The following TRMT11 variants were observed in gnomAD, a reference collection of about 807,000 sequenced individuals.
TRMT11 encodes the protein tRNA methyltransferase 11.
A neutral mutation model predicts 62.8 loss-of-function variants in TRMT11; 53 were observed. The observed-to-expected ratio is 0.84, with a 90% CI of 0.68 to 1.06. The LOEUF is 1.06. Among genes scored for constraint, TRMT11 ranks in the 50% least tolerant of loss-of-function variants. The pLI is 0.00. For synonymous variants in TRMT11, 188 were observed against 190.3 expected, an observed-to-expected ratio of 0.99 and a Z score of 0.10; for missense variants, 556 against 553.4, an observed-to-expected ratio of 1.00 and a Z score of -0.05.
At chr6:126,250,126 T>C in the TRMT11 span, among the ~76,000 whole-genome samples, 1 of 152,210 alleles carries the variant, frequency 6.6e-6, no homozygotes, top group African/African-American at 2.4e-5. Flanking sequence ...CAATGATATG[T>C]ATATGCTATT....
intron 21 of TRMT11, among the ~76,000 whole-genome samples, chr6:126,150,476 G>A (rs193121121): frequency 7.0e-4 from 106 of 152,078 alleles, no homozygotes; most frequent in African/African-American, 2.5e-3. Flanking sequence ...TACCTCAATC[G>A]CTGTATCCAT....
chr6:126,187,714 A>G (rs1200230907), intron 1 of TRMT11, among the ~76,000 whole-genome samples: 1 of 152,004 alleles, frequency 6.6e-6, no homozygotes, highest in Non-Finnish European at 1.5e-5. Context: ...ACCTTATTTT[A>G]GGATTTATTT....
At chr6:126,211,905 C>T in the TRMT11 span, among the ~76,000 whole-genome samples, 3 of 151,894 alleles carry the variant, frequency 2.0e-5, no homozygotes, top group African/African-American at 7.3e-5. Context: ...GTATTAGTAA[C>T]CATCCTCTCT....
chr6:126,105,057 AT>A (rs1244887526), intron 17 of TRMT11, among the ~76,000 whole-genome samples: 4 of 152,200 alleles, frequency 2.6e-5, no homozygotes. Flanking sequence ...TTCAAACTAC[AT>A]TTTTAATTTA....
chr6:126,193,490 A>ATTTTTTTTTT (rs60064329), intron 1 of TRMT11, among the ~76,000 whole-genome samples: 2 of 73,284 alleles, frequency 2.7e-5, no homozygotes, highest in Admixed American at 1.8e-4. Context: ...GCGTTTCTGT[A>ATTTTTTTTTT]TTTTTTTTTT....
chr6:126,135,737 CA>C (rs1291338492), intron 21 of TRMT11, among the ~76,000 whole-genome samples: 4 of 151,492 alleles, frequency 2.6e-5, no homozygotes, highest in African/African-American at 4.8e-5. Context: ...AAAATGCCCC[CA>C]AAAATACTAG....
At chr6:126,168,034 A>G (rs1469741693) in intron 21 of TRMT11, among the ~76,000 whole-genome samples, 2 of 152,218 alleles carry the variant, frequency 1.3e-5, no homozygotes, top group Non-Finnish European at 1.5e-5. Context: ...TGTGAACTGC[A>G]TGGCTTCAGA....
At chr6:126,016,601 A>G (rs1349255799) in intron 11 of TRMT11, among the ~76,000 whole-genome samples, 1 of 152,124 alleles carries the variant, frequency 6.6e-6, no homozygotes, top group East Asian at 1.9e-4. Context: ...TATTTCTTCA[A>G]TGACTTCTCT....
chr6:126,148,269 C>CT (rs1303272462), intron 21 of TRMT11, among the ~76,000 whole-genome samples: 2 of 152,184 alleles, frequency 1.3e-5, no homozygotes, highest in Non-Finnish European at 2.9e-5. Context: ...ACATGGCTTC[C>CT]TTCAAGGCCG....
At chr6:126,163,190 T>C (rs374962700) in intron 21 of TRMT11, among the ~76,000 whole-genome samples, 1 of 152,206 alleles carries the variant, frequency 6.6e-6, no homozygotes, top group Non-Finnish European at 1.5e-5. Flanking sequence ...ACATTGGCTG[T>C]GGGTTTTTCA....
intron 2 of TRMT11, 52 bp from the exon 3 acceptor site, chr6:125,995,915 A>C (rs549853417): frequency 9.2e-7 from 1 of 1,086,248 alleles, no homozygotes; most frequent in Non-Finnish European, 1.4e-6. Flanking sequence ...ATAAAAGCAT[A>C]TGAGGCCATG....
the TRMT11 span, among the ~76,000 whole-genome samples, chr6:126,220,913 A>G: frequency 1.3e-5 from 2 of 152,128 alleles, no homozygotes; most frequent in African/African-American, 4.8e-5. Context: ...TTCTCTTCCC[A>G]TCCTATACCC....
At chr6:126,219,001 C>A in the TRMT11 span, among the ~76,000 whole-genome samples, 1 of 152,248 alleles carries the variant, frequency 6.6e-6, no homozygotes, top group African/African-American at 2.4e-5. Context: ...AGTTCCAATA[C>A]AAAGTCCCAC....
At chr6:126,159,152 C>T (rs528508193) in intron 21 of TRMT11, among the ~76,000 whole-genome samples, 3 of 152,052 alleles carry the variant, frequency 2.0e-5, no homozygotes, top group East Asian at 1.9e-4. Flanking sequence ...GTGATGTGAC[C>T]GTGTAACTAA....
intron 11 of TRMT11, among the ~76,000 whole-genome samples, chr6:126,020,491 A>ATG (rs1288611427): frequency 6.6e-6 from 1 of 152,172 alleles, no homozygotes; most frequent in African/African-American, 2.4e-5. Context: ...ATCTTCATCC[A>ATG]TGTAGGACAT....
the TRMT11 span, among the ~76,000 whole-genome samples, chr6:126,251,275 T>C: frequency 4.6e-5 from 7 of 151,950 alleles, no homozygotes; most frequent in African/African-American, 1.7e-4. Flanking sequence ...GTGATCCACC[T>C]GCCTCGGCCT....
intron 1 of TRMT11, among the ~76,000 whole-genome samples, chr6:126,190,174 C>T (rs1436051887): frequency 3.3e-5 from 5 of 152,044 alleles, no homozygotes; most frequent in African/African-American, 4.8e-5. Flanking sequence ...TTTTTGTACC[C>T]ATTAACTAGC....
intron 17 of TRMT11, among the ~76,000 whole-genome samples, chr6:126,074,514 G>A (rs1776954736): frequency 6.6e-6 from 1 of 151,990 alleles, no homozygotes; most frequent in Non-Finnish European, 1.5e-5. Context: ...TACCAAGAAG[G>A]CCATTCAAAT....
At chr6:126,238,791 A>G in the TRMT11 span, among the ~76,000 whole-genome samples, 2 of 152,162 alleles carry the variant, frequency 1.3e-5, no homozygotes, top group Admixed American at 1.3e-4. Context: ...TCATTGATCT[A>G]TCCAATGTTG....
Sources: allele counts gnomAD v4.1 joint callset (sites outside exome capture counted in the v4.1 genomes callset), GRCh38; gene constraint gnomAD v4.1.1; transcripts MANE v1.5; gene names NCBI Gene and HGNC (gene_info 2026-07-23, HGNC 2026-07-21).